ACACA: variants seen among roughly 807,000 people sequenced by gnomAD.
The protein encoded by ACACA is acetyl-CoA carboxylase alpha, also known as acetyl-CoA carboxylase 1.
A neutral mutation model predicts 296.1 loss-of-function variants in ACACA; 103 were observed. The observed-to-expected ratio is 0.35, with a 90% confidence interval of 0.30 to 0.41. ACACA has a LOEUF of 0.41. Among genes scored for constraint, ACACA ranks in the 10% least tolerant of loss-of-function variants. The pLI, the probability that ACACA is intolerant of heterozygous loss-of-function variation, is 1.00. For synonymous variants in ACACA, 953 were observed against 1,038.6 expected, an observed-to-expected ratio of 0.92 and a Z score of 1.58; for missense variants, 1,554 against 2,989.7, an observed-to-expected ratio of 0.52 and a Z score of 11.20.
At chr17:37,397,139 T>C (rs1264318685) in intron 1 of ACACA, among the ~76,000 whole-genome samples, 1 of 152,002 alleles carries the variant, frequency 6.6e-6, no homozygotes, top group Non-Finnish European at 1.5e-5. Flanking sequence ...CATGCGATGT[T>C]TGGTTTTCTG....
At position 37,135,930 on chromosome 17, in the gene ACACA, T is replaced by G. The variant is rs867812153; in HGVS notation, c.5680-5712A>C. On this transcript the variant is annotated intron_variant, in intron 45 of 55. Coordinates refer to ENST00000616317, the MANE Select transcript of ACACA (RefSeq NM_198834.3). ...AGGAATTCTTTTTTTTTTTTTTTTGTAGAGACAAGGTCTTGCACGTTGTCT... is the reference window on the plus strand; with the variant it reads ...AGGAATTCTTTTTTTTTTTTTTTTGGAGAGACAAGGTCTTGCACGTTGTCT... Among the ~76,000 whole-genome samples the G allele has an allele frequency of 2.0e-4, 30 of 149,532 alleles. No individual in the cohort carries two copies. The South Asian group carries it at 2.1e-3, about 11-fold the overall frequency.
rs899438562 is a variant in ACACA, at chr17:37,248,459, A to G, written c.2163+134T>C. The G allele has an allele frequency of 6.3e-6, 5 of 788,988 alleles. No homozygotes were observed. The African/African-American group carries it at 6.8e-5, about 11-fold the overall frequency. The allele number at this position is 788,988 out of a possible 1,614,324, so 48.9% of individuals were successfully genotyped here. A position where few individuals can be genotyped will look rare whatever the true frequency, so the allele number is the denominator to read the frequency against. On this transcript the variant is annotated intron_variant, in intron 17 of 55. Coordinates refer to ENST00000616317, the MANE Select transcript of ACACA (RefSeq NM_198834.3). ...AGAACAACAAACGCTGCTTCAGGAC[A>G]CTGACAAAAATAATGACGGTAATTT... is the stretch of plus-strand genomic sequence containing the variant.
At position 37,206,815 on chromosome 17, in the gene ACACA, C is replaced by T. The variant is rs1331520043; in HGVS notation, c.3916G>A (p.Ala1306Thr). Residue 1306 changes from alanine (A) to threonine (T), a missense_variant, in exon 32 of 56, where the codon GCA becomes ACA. By Grantham distance (58) the Ala-to-Thr change is moderately conservative. This residue lies in a region of ACACA where 179 missense variants were observed against 283.2 expected (regional missense o/e 0.63). Transcript: ENST00000616317. ...TCATCATAAAGAGACGTGTGACCTG[C>T]CTCAGGGAATGTGGGACTCTGGGGT... Reference protein sequence around the residue: ...SPPQSPTFPEAGHTSLYDEDK... With the variant: ...SPPQSPTFPETGHTSLYDEDK... The T allele has an allele frequency of 6.2e-6, 10 of 1,613,482 alleles. No homozygotes were observed. The highest frequency in any genetic ancestry group is 7.6e-6 in the Non-Finnish European group (9 of 1,179,546).
At chr17:37,317,228 G>A (rs1439732739) in intron 3 of ACACA, among the ~76,000 whole-genome samples, 1 of 152,048 alleles carries the variant, frequency 6.6e-6, no homozygotes, top group Non-Finnish European at 1.5e-5. Flanking sequence ...ATACAGAAAG[G>A]AAATATATAA....
intron 3 of ACACA, among the ~76,000 whole-genome samples, chr17:37,327,728 T>C (rs2047684882): frequency 6.6e-6 from 1 of 152,188 alleles, no homozygotes; most frequent in African/African-American, 2.4e-5. Flanking sequence ...TTTCTCAAGG[T>C]GCTGTGTGGT....
intron 5 of ACACA, among the ~76,000 whole-genome samples, chr17:37,279,252 T>A (rs192122815): frequency 1.1e-4 from 16 of 152,352 alleles, no homozygotes; most frequent in Admixed American, 6.5e-4. Context: ...AAAATAGGCT[T>A]ATTGTTCTCT....
intron 10 of ACACA, among the ~76,000 whole-genome samples, chr17:37,264,762 T>A (rs2081672344): frequency 6.6e-6 from 1 of 152,222 alleles, no homozygotes; most frequent in Admixed American, 6.5e-5. Context: ...CCATTTCACA[T>A]AACCATATGT....
intron 3 of ACACA, among the ~76,000 whole-genome samples, chr17:37,305,279 T>C (rs2083818655): frequency 6.6e-6 from 1 of 152,250 alleles, no homozygotes; most frequent in Non-Finnish European, 1.5e-5. Flanking sequence ...TTTTTTTCTT[T>C]CTTGGCTTAA....
chr17:37,199,239 CA>C (rs1367557401), intron 35 of ACACA, among the ~76,000 whole-genome samples: 1,676 of 95,572 alleles, frequency 0.018, 19 homozygotes, highest in African/African-American at 0.054. Flanking sequence ...GACACTCTCT[CA>C]AAAAAAAAAA....
intron 3 of ACACA, among the ~76,000 whole-genome samples, chr17:37,318,810 TAA>T (rs2047212307): frequency 6.6e-6 from 1 of 152,188 alleles, no homozygotes; most frequent in Non-Finnish European, 1.5e-5. Flanking sequence ...TAGATTTAAA[TAA>T]AGTCATTTCA....
At chr17:37,216,845 C>A (rs886101238) in intron 29 of ACACA, among the ~76,000 whole-genome samples, 16 of 149,948 alleles carry the variant, frequency 1.1e-4, no homozygotes, top group Non-Finnish European at 1.6e-4. Context: ...AAAAAAAAAA[C>A]AAAAACAAAA....
intron 3 of ACACA, among the ~76,000 whole-genome samples, chr17:37,314,634 CTTTTTTTT>C (rs57554348): frequency 9.1e-6 from 1 of 109,996 alleles, no homozygotes; most frequent in African/African-American, 3.7e-5. Context: ...GGAATCCACA[CTTTTTTTT>C]TTTTTTTTTT....
intron 1 of ACACA, among the ~76,000 whole-genome samples, chr17:37,354,859 T>C (rs1490187524): frequency 1.3e-5 from 2 of 152,088 alleles, no homozygotes; most frequent in Non-Finnish European, 2.9e-5. Context: ...GAGCCCAGGT[T>C]GAGGCTGCAA....
intron 3 of ACACA, among the ~76,000 whole-genome samples, chr17:37,303,659 A>G (rs2146919265): frequency 6.6e-6 from 1 of 152,332 alleles, no homozygotes; most frequent in South Asian, 2.1e-4. Context: ...GGAGTTCAAG[A>G]CCGGCCTGGC....
chr17:37,406,249 T>A lies in ACACA; in HGVS notation c.38+13A>T. 4 of 1,613,746 alleles carry A rather than the reference T, an allele frequency of 2.5e-6. No individual in the cohort carries two copies. In the South Asian group the frequency reaches 3.3e-5, roughly 13 times the overall value. On this transcript the variant is annotated intron_variant, in intron 1 of 55. Transcript: ENST00000616317. ...CATCATTAACAGCAGTAATAAGAGA[T>A]CTTGGGACATACCTAGCCCTCAAGA...
intron 37 of ACACA, 90 bp from the exon 38 acceptor site, chr17:37,191,365 A>C: frequency 1.4e-4 from 178 of 1,269,914 alleles, no homozygotes; most frequent in Middle Eastern, 2.2e-4. Flanking sequence ...GCAGTATATC[A>C]TGAATCATAA....
At chr17:37,363,463 G>A (rs963911645) in intron 1 of ACACA, among the ~76,000 whole-genome samples, 4 of 151,736 alleles carry the variant, frequency 2.6e-5, no homozygotes, top group African/African-American at 9.7e-5. Flanking sequence ...TTACAGGCGT[G>A]AGCCACTGGA....
rs1335645297 is a variant in ACACA, at chr17:37,406,809, G to T, written c.-510C>A. On this transcript the variant is annotated 5_prime_UTR_variant, in exon 1 of 56. Transcript: ENST00000616317. ...GGCGGGCGCTCAGCACCCGGCGGGG[G>T]CCTCCACGGCCGAGGGGCGGAGGCG... 1 of 149,332 alleles carries T rather than the reference G, an allele frequency of 6.7e-6. No individual in the cohort carries two copies. The highest frequency in any genetic ancestry group is 2.4e-5 in the African/African-American group (1 of 40,966). 9.3% of individuals were successfully genotyped at this position (149,332 alleles called of 1,614,324 possible).
chr17:37,096,956 G>A, intron 54 of ACACA, 40 bp downstream of exon 54: 1 of 1,613,130 alleles, frequency 6.2e-7, no homozygotes, highest in Non-Finnish European at 8.5e-7. Flanking sequence ...GTGGTGTGAG[G>A]AACTCAGCAA....
Sources: gnomAD v4.1 joint callset for allele counts (sites outside exome capture counted in the v4.1 genomes callset) on GRCh38, gnomAD v4.1.1 for gene constraint, gnomAD v4.1.1 regional missense constraint, MANE v1.5 for transcripts, NCBI Gene and HGNC (gene_info 2026-07-23, HGNC 2026-07-21) for gene names.